CNOT10: variants seen among roughly 807,000 people sequenced by gnomAD.
CNOT10 encodes CCR4-NOT transcription complex, subunit 10.
In CNOT10, 30 loss-of-function variants were observed where a neutral mutation model predicts 94.6. That is an observed-to-expected ratio of 0.32 (90% confidence interval 0.24 to 0.43). The LOEUF (loss-of-function observed/expected upper bound fraction) is 0.43, where lower values mean the gene tolerates loss of function less well. Ranked by LOEUF, CNOT10 falls within the 20% of genes least tolerant of loss-of-function variation. The pLI is 1.00. For missense variants in CNOT10, 759 were observed against 877.2 expected (o/e 0.87, Z 1.70); for synonymous variants, 289 against 301.6 (o/e 0.96, Z 0.43).
chr3:32,762,633 A>G, intron 14 of CNOT10, 100 bp from the exon 15 acceptor site: 3 of 1,220,668 alleles, frequency 2.5e-6, no homozygotes, highest in South Asian at 1.5e-5. Context: ...TATGAGACCT[A>G]TATCCAATGT....
Position 32,704,963 on chromosome 3 carries a change from G to T in CNOT10, c.270G>T (p.Leu90=). 6.5e-7 allele frequency: 1 copy of T among 1,529,130 alleles called. No individual in the cohort carries two copies. Among genetic ancestry groups the T allele is most frequent in the South Asian group, 1.3e-5 (1 of 77,282 alleles). The allele number at this position is 1,529,130 out of a possible 1,614,324, so 94.7% of individuals were successfully genotyped here. A position where few individuals can be genotyped will look rare whatever the true frequency, so the allele number is the denominator to read the frequency against. ...ATTTGAGACAAACACTTAACCAGCTGAAGAATCAGGTGATACATAAATGAA... is the reference window on the plus strand; with the variant it reads ...ATTTGAGACAAACACTTAACCAGCTTAAGAATCAGGTGATACATAAATGAA... ...TDNLRQTLNQ[L]KNQVHSAVEE... Residue 90 remains leucine, a synonymous_variant, in exon 3 of 19, where the codon CTG becomes CTT. Transcript: ENST00000328834.
chr3:32,702,164 C>T (rs1419689250), intron 1 of CNOT10, among the ~76,000 whole-genome samples: 1 of 150,080 alleles, frequency 6.7e-6, no homozygotes, highest in Non-Finnish European at 1.5e-5. Flanking sequence ...GGCGTGATCT[C>T]AGCTCACTGC....
chr3:32,766,541 G>A (rs1336867311), intron 17 of CNOT10, among the ~76,000 whole-genome samples: 1 of 57,334 alleles, frequency 1.7e-5, no homozygotes, highest in Non-Finnish European at 3.8e-5. Context: ...GCTGAGGCAG[G>A]AGAATGGCAT....
chr3:32,734,855 C>G lies in CNOT10; in HGVS notation c.1393C>G (p.Leu465Val), dbSNP rs1699109873. 7.4e-6 allele frequency: 12 copies of G among 1,613,952 alleles called. No individual in the cohort carries two copies. The highest frequency in any genetic ancestry group is 1.6e-4 in the Middle Eastern group (1 of 6,062). Reference protein sequence around the residue: ...VASMEFAAICLRNALLLLPEE... With the variant: ...VASMEFAAICVRNALLLLPEE... The stretch of plus-strand genomic sequence containing the variant: ...CAGTATGGAGTTTGCAGCCATATGT[C>G]TCAGAAATGCCTTGTTGCTGCTACC... Residue 465 changes from leucine (L) to valine (V), a missense_variant, in exon 12 of 19, where the codon CTC becomes GTC. Transcript: ENST00000328834.
chr3:32,713,341 G>T lies in CNOT10; in HGVS notation c.545G>T (p.Gly182Val). The change falls in exon 5 of 19, where the codon GGT (glycine) becomes GTT (valine). Residue 182 changes from glycine (G) to valine (V), a missense_variant. Physicochemically the swap from Gly to Val is moderately radical, Grantham distance 109. This residue lies in a region of CNOT10 where 682 missense variants were observed against 799.4 expected (regional missense o/e 0.85). Transcript: ENST00000328834. ...LAVLEKMISQ[G>V]NNNKNGKNET... ...GTCCTAGAAAAAATGATTTCACAGGGTAACAATAACAAAAATGGAAAGAAT... is the reference window on the plus strand; with the variant it reads ...GTCCTAGAAAAAATGATTTCACAGGTTAACAATAACAAAAATGGAAAGAAT... The T allele has an allele frequency of 1.9e-6, 3 of 1,596,268 alleles. No homozygotes were observed. Among genetic ancestry groups the T allele is most frequent in the Non-Finnish European group, 1.7e-6 (2 of 1,175,584 alleles).
intron 14 of CNOT10, 39 bp from the exon 15 acceptor site, chr3:32,762,694 G>A (rs1384945680): frequency 1.5e-5 from 23 of 1,571,632 alleles, no homozygotes; most frequent in Middle Eastern, 1.7e-4. Context: ...TTTTTGTGAC[G>A]TTGTACTTTT....
intron 13 of CNOT10, among the ~76,000 whole-genome samples, chr3:32,752,122 C>G (rs1699992515): frequency 6.6e-6 from 1 of 152,050 alleles, no homozygotes; most frequent in Non-Finnish European, 1.5e-5. Context: ...AACCCCATCT[C>G]TACTAAAAAT....
intron 1 of CNOT10, among the ~76,000 whole-genome samples, chr3:32,691,315 C>G (rs113910392): frequency 3.3e-5 from 5 of 152,138 alleles, no homozygotes; most frequent in African/African-American, 1.2e-4. Context: ...GTGTGTGCCA[C>G]CATGCCTGGC....
At chr3:32,720,257 C>CT (rs60731094) in intron 8 of CNOT10, 26 bp downstream of exon 8, 53 of 1,253,446 alleles carry the variant, frequency 4.2e-5, no homozygotes, top group South Asian at 9.2e-5. Context: ...GAAATTTTAA[C>CT]TTTTTTTTGC....
At chr3:32,753,142 C>T (rs76399300) in intron 13 of CNOT10, 13,764 of 593,802 alleles carry the variant, frequency 0.023, 264 homozygotes, top group Middle Eastern at 0.063. Flanking sequence ...CAAATAATTC[C>T]ACCACTATGT....
intron 4 of CNOT10, among the ~76,000 whole-genome samples, chr3:32,710,686 G>C (rs1697845136): frequency 6.6e-6 from 1 of 151,930 alleles, no homozygotes; most frequent in African/African-American, 2.4e-5. Context: ...CTTTTCTACA[G>C]TGTCAAACTT....
chr3:32,729,093 C>CA (rs563839973), intron 10 of CNOT10, among the ~76,000 whole-genome samples: 4 of 151,390 alleles, frequency 2.6e-5, no homozygotes, highest in South Asian at 4.2e-4. Context: ...GACTCTGTCT[C>CA]AAAAAAAAGT....
chr3:32,692,033 T>G (rs1038097840), intron 1 of CNOT10, among the ~76,000 whole-genome samples: 2 of 144,260 alleles, frequency 1.4e-5, no homozygotes, highest in African/African-American at 5.2e-5. Flanking sequence ...CCTGGGTGAC[T>G]GAGTGAGACC....
At chr3:32,757,170 ATTTTTTTTTT>A (rs1173513009) in intron 13 of CNOT10, among the ~76,000 whole-genome samples, 1 of 78,294 alleles carries the variant, frequency 1.3e-5, no homozygotes, top group Admixed American at 2.4e-4. Context: ...CCCTGAACTA[ATTTTTTTTTT>A]TTTTTTTTTT....
intron 2 of CNOT10, among the ~76,000 whole-genome samples, chr3:32,704,191 T>C (rs1399148331): frequency 1.3e-5 from 2 of 152,360 alleles, no homozygotes; most frequent in Non-Finnish European, 2.9e-5. Flanking sequence ...TTTTAACTCA[T>C]ATACTGTTGT....
intron 1 of CNOT10, among the ~76,000 whole-genome samples, chr3:32,700,601 C>G (rs78467050): frequency 8.5e-5 from 13 of 152,284 alleles, no homozygotes; most frequent in Middle Eastern, 6.8e-3. Flanking sequence ...TAAAGCCTTA[C>G]AATAACTTGA....
chr3:32,737,104 G>A (rs6795992), intron 12 of CNOT10, among the ~76,000 whole-genome samples: 149,137 of 152,312 alleles, frequency 0.98, 73,102 homozygotes, highest in East Asian at 1. Flanking sequence ...ACCTGAGGTC[G>A]GGAGTTCGAG....
intron 1 of CNOT10, among the ~76,000 whole-genome samples, chr3:32,702,967 A>G (rs1697429639): frequency 6.8e-6 from 1 of 148,024 alleles, no homozygotes; most frequent in Non-Finnish European, 1.5e-5. Context: ...GCTGGAGTGC[A>G]GTGGCATTAT....
chr3:32,765,412 G>T (rs1229160497), intron 17 of CNOT10: 1 of 53,622 alleles, frequency 1.9e-5, no homozygotes, highest in Non-Finnish European at 4.2e-5. Context: ...CCACACTCTG[G>T]GAGGCTGAGA....
Sources: gnomAD v4.1 joint callset for allele counts (sites outside exome capture counted in the v4.1 genomes callset) on GRCh38, gnomAD v4.1.1 for gene constraint, gnomAD v4.1.1 regional missense constraint, MANE v1.5 for transcripts, NCBI Gene and HGNC (gene_info 2026-07-23, HGNC 2026-07-21) for gene names.